Variants in GABRG3 observed in about 807,000 individuals in gnomAD.
GABRG3 encodes gamma-aminobutyric acid type A receptor subunit gamma3.
In GABRG3, 25 loss-of-function variants were observed where a neutral mutation model predicts 48.8. That is an observed-to-expected ratio of 0.51 (90% confidence interval 0.37 to 0.72). The LOEUF is 0.72. Among genes scored for constraint, GABRG3 ranks in the 30% least tolerant of loss-of-function variants. GABRG3 has a pLI of 0.00. For missense variants in GABRG3, 394 were observed against 577.9 expected (o/e 0.68, Z 3.26); for synonymous variants, 227 against 217.6 (o/e 1.04, Z -0.38).
At chr15:27,266,127 G>A (rs1417491037) in intron 3 of GABRG3, among the ~76,000 whole-genome samples, 1 of 151,968 alleles carries the variant, frequency 6.6e-6, no homozygotes, top group Non-Finnish European at 1.5e-5. Flanking sequence ...TGATCTGCCC[G>A]CCTCAGCCTC....
chr15:27,199,658 C>T (rs757359651), intron 3 of GABRG3, among the ~76,000 whole-genome samples: 2 of 152,074 alleles, frequency 1.3e-5, no homozygotes, highest in Non-Finnish European at 2.9e-5. Flanking sequence ...GATGTGCCTG[C>T]TCCCCCTTCC....
intron 3 of GABRG3, among the ~76,000 whole-genome samples, chr15:27,076,039 C>A (rs1186366834): frequency 6.6e-6 from 1 of 152,174 alleles, no homozygotes; most frequent in African/African-American, 2.4e-5. Context: ...GGGGGGCTTC[C>A]TCACAGTCTT....
intron 3 of GABRG3, among the ~76,000 whole-genome samples, chr15:27,217,417 C>T (rs967234950): frequency 2.6e-4 from 40 of 152,276 alleles, no homozygotes; most frequent in African/African-American, 8.9e-4. Flanking sequence ...TTCTTTTCAC[C>T]CACCAGTGGG....
chr15:27,196,498 A>G (rs1185346553), intron 3 of GABRG3, among the ~76,000 whole-genome samples: 1 of 152,160 alleles, frequency 6.6e-6, no homozygotes, highest in East Asian at 1.9e-4. Flanking sequence ...CCTCCTCCCC[A>G]GGGAATTAAG....
At chr15:27,333,403 C>T (rs548986049) in intron 5 of GABRG3, among the ~76,000 whole-genome samples, 60 of 152,258 alleles carry the variant, frequency 3.9e-4, no homozygotes, top group African/African-American at 1.3e-3. Flanking sequence ...AGGCCGCCCG[C>T]ATTCCATAAC....
At chr15:27,276,663 A>G (rs2140476936) in intron 3 of GABRG3, among the ~76,000 whole-genome samples, 1 of 152,284 alleles carries the variant, frequency 6.6e-6, no homozygotes, top group Non-Finnish European at 1.5e-5. Flanking sequence ...TTTATAGTTC[A>G]CTAATCATAA....
At chr15:27,143,276 C>T (rs1898138422) in intron 3 of GABRG3, among the ~76,000 whole-genome samples, 1 of 152,030 alleles carries the variant, frequency 6.6e-6, no homozygotes, top group African/African-American at 2.4e-5. Context: ...ATGGGGGTCT[C>T]GCTGTGTTGT....
intron 5 of GABRG3, among the ~76,000 whole-genome samples, chr15:27,454,712 G>T (rs964189034): frequency 4.6e-5 from 7 of 152,162 alleles, no homozygotes; most frequent in African/African-American, 1.7e-4. Context: ...ATTATGATGG[G>T]TATTCCATTC....
intron 3 of GABRG3, among the ~76,000 whole-genome samples, chr15:27,147,247 C>A (rs1420972775): frequency 6.6e-6 from 1 of 151,936 alleles, no homozygotes; most frequent in Non-Finnish European, 1.5e-5. Flanking sequence ...TGAGTCAATT[C>A]ATCAAGAACA....
chr15:27,353,426 CTATTTATTTATT>C (rs59969384), intron 5 of GABRG3, among the ~76,000 whole-genome samples: 49 of 146,110 alleles, frequency 3.4e-4, no homozygotes, highest in Admixed American at 1.0e-3. Context: ...TTCTTTCTTT[CTATTTATTTATT>C]TATTTATTTA....
intron 3 of GABRG3, among the ~76,000 whole-genome samples, chr15:27,184,507 A>G (rs544161387): frequency 3.3e-5 from 5 of 152,338 alleles, no homozygotes; most frequent in South Asian, 2.1e-4. Flanking sequence ...AAATATAGAT[A>G]TAGTTATTGG....
Position 27,004,135 on chromosome 15 carries a change from C to A in GABRG3, c.203-22619C>A, listed in dbSNP as rs568505749. Among the ~76,000 whole-genome samples the A allele has an allele frequency of 5.3e-3, 801 of 151,092 alleles. 4 individuals are homozygous for A. The highest frequency in any genetic ancestry group is 6.1e-3 in the Non-Finnish European group (416 of 67,666). ...CTGGCCGGGCGGGGGGCTGACCCCC[C>A]CACCTCCCTCCCGGACGGGGTGGCT... is the stretch of plus-strand genomic sequence containing the variant. On this transcript the variant is annotated intron_variant, in intron 2 of 9. Transcript: ENST00000615808.
intron 5 of GABRG3, among the ~76,000 whole-genome samples, chr15:27,346,398 A>C (rs1007289585): frequency 1.2e-4 from 18 of 152,108 alleles, no homozygotes; most frequent in Admixed American, 2.6e-4. Context: ...TGACCAAGTG[A>C]TCTTTTAATT....
intron 3 of GABRG3, among the ~76,000 whole-genome samples, chr15:27,172,339 G>A (rs962070144): frequency 6.6e-6 from 1 of 152,120 alleles, no homozygotes; most frequent in Admixed American, 6.5e-5. Context: ...TTAGTTCTTA[G>A]TGTGCTTGTC....
chr15:27,014,392 T>A (rs1595472757), intron 2 of GABRG3, among the ~76,000 whole-genome samples: 1 of 152,090 alleles, frequency 6.6e-6, no homozygotes, highest in East Asian at 1.9e-4. Flanking sequence ...GATTGTTGAT[T>A]TGAGGGTTTT....
intron 3 of GABRG3, among the ~76,000 whole-genome samples, chr15:27,251,176 G>A (rs1193298483): frequency 6.6e-6 from 1 of 152,198 alleles, no homozygotes; most frequent in African/African-American, 2.4e-5. Flanking sequence ...TCCCCTAAGA[G>A]AGAATGTCTT....
intron 3 of GABRG3, among the ~76,000 whole-genome samples, chr15:27,218,698 C>T (rs1371259123): frequency 1.3e-5 from 2 of 152,152 alleles, no homozygotes; most frequent in Admixed American, 1.3e-4. Context: ...CAATGCAAAT[C>T]TTATGTGCTG....
intron 3 of GABRG3, among the ~76,000 whole-genome samples, chr15:27,043,205 C>G (rs1353390452): frequency 6.6e-6 from 1 of 152,146 alleles, no homozygotes; most frequent in Non-Finnish European, 1.5e-5. Context: ...TTTGGTGGGA[C>G]CCTCAGTTTT....
intron 3 of GABRG3, among the ~76,000 whole-genome samples, chr15:27,036,309 C>A (rs191057473): frequency 4.6e-5 from 7 of 152,308 alleles, no homozygotes; most frequent in Non-Finnish European, 8.8e-5. Flanking sequence ...GGGAGCCCTG[C>A]AGACCAGTGT....
Sources: gnomAD v4.1 joint callset for allele counts (sites outside exome capture counted in the v4.1 genomes callset) on GRCh38, gnomAD v4.1.1 for gene constraint, MANE v1.5 for transcripts, NCBI Gene and HGNC (gene_info 2026-07-23, HGNC 2026-07-21) for gene names.